Variants in GPC5 observed in about 807,000 individuals in gnomAD.
GPC5 encodes the protein glypican 5.
In GPC5, 47 loss-of-function variants were observed where a neutral mutation model predicts 53.9. The observed-to-expected ratio is 0.87, with a 90% CI of 0.69 to 1.11. The LOEUF (loss-of-function observed/expected upper bound fraction) is 1.11. Among genes scored for constraint, GPC5 ranks in the 50% most tolerant of loss-of-function variants. GPC5 has a pLI of 0.00. For synonymous variants in GPC5, 286 were observed against 263.3 expected, an observed-to-expected ratio of 1.09 and a Z score of -0.84; for missense variants, 748 against 713.1, an observed-to-expected ratio of 1.05 and a Z score of -0.56.
intron 2 of GPC5, among the ~76,000 whole-genome samples, chr13:91,608,945 C>A (rs1456785871): frequency 1.3e-5 from 2 of 148,972 alleles, no homozygotes; most frequent in East Asian, 4.1e-4. Context: ...TTTTGTTAGA[C>A]TAATTGAATC....
intron 6 of GPC5, among the ~76,000 whole-genome samples, chr13:91,936,541 A>G (rs1164707382): frequency 2.0e-5 from 3 of 152,062 alleles, no homozygotes; most frequent in Non-Finnish European, 4.4e-5. Flanking sequence ...AAGTATACAT[A>G]TTTGGTTTTT....
intron 7 of GPC5, among the ~76,000 whole-genome samples, chr13:92,152,814 T>C (rs573080413): frequency 6.6e-6 from 1 of 151,132 alleles, no homozygotes; most frequent in Non-Finnish European, 1.5e-5. Flanking sequence ...TACACACACA[T>C]AATTTAAGGA....
chr13:91,631,504 T>G (rs1208407089), intron 2 of GPC5, among the ~76,000 whole-genome samples: 1 of 152,076 alleles, frequency 6.6e-6, no homozygotes, highest in Non-Finnish European at 1.5e-5. Context: ...AAAAAATAAG[T>G]GTTTTAGACC....
intron 7 of GPC5, chr13:92,510,230 C>G (rs1347688831): frequency 6.6e-6 from 1 of 151,864 alleles, no homozygotes; most frequent in Non-Finnish European, 1.5e-5. Flanking sequence ...AAATTAAAGG[C>G]ATCTTTATGT....
rs997034217 is a variant in GPC5 at position 91,715,800 on chromosome 13, C to CTCTCTCTGTG, written c.1021-12731_1021-12730insCTCTCTGTGT. Among the ~76,000 whole-genome samples, 472 of 145,774 alleles carry CTCTCTCTGTG rather than the reference C, an allele frequency of 3.2e-3. 2 individuals carry two copies. Among genetic ancestry groups the CTCTCTCTGTG allele is most frequent in the African/African-American group, 0.012 (455 of 39,058 alleles). ...TCTCTCTCTCTCTCTCTCTCTCTCT[C>CTCTCTCTGTG]TGTGTGTGTGTCACCCAGGCTAGAG... On this transcript the variant is annotated intron_variant, in intron 3 of 7. Transcript: ENST00000377067.
intron 7 of GPC5, among the ~76,000 whole-genome samples, chr13:92,855,887 A>C (rs943256217): frequency 1.3e-4 from 20 of 152,114 alleles, no homozygotes; most frequent in Non-Finnish European, 2.9e-4. Flanking sequence ...AACCAAAAAA[A>C]GCCTTGCACC....
intron 5 of GPC5, among the ~76,000 whole-genome samples, chr13:91,781,578 T>C (rs2037799559): frequency 6.6e-6 from 1 of 152,232 alleles, no homozygotes; most frequent in Non-Finnish European, 1.5e-5. Flanking sequence ...ACCATTTGCT[T>C]TGTGTCTTCT....
chr13:91,567,092 G>A (rs1043889910), intron 2 of GPC5, among the ~76,000 whole-genome samples: 2 of 152,068 alleles, frequency 1.3e-5, no homozygotes, highest in African/African-American at 2.4e-5. Flanking sequence ...ATCTTGTCCT[G>A]TATTTGGATC....
At chr13:92,765,562 C>T (rs1286343636) in intron 7 of GPC5, among the ~76,000 whole-genome samples, 1 of 152,120 alleles carries the variant, frequency 6.6e-6, no homozygotes, top group East Asian at 1.9e-4. Flanking sequence ...CAATTCCCTC[C>T]AATGTAGAGA....
chr13:92,840,203 G>A (rs1878390197), intron 7 of GPC5, among the ~76,000 whole-genome samples: 1 of 149,938 alleles, frequency 6.7e-6, no homozygotes, highest in South Asian at 2.1e-4. Context: ...CATGTTGTAG[G>A]AGGCGACAGG....
At chr13:92,644,878 T>TA (rs35092225) in intron 7 of GPC5, among the ~76,000 whole-genome samples, 87,473 of 148,832 alleles carry the variant, frequency 0.59, 28,796 homozygotes, top group Non-Finnish European at 0.77. Context: ...ACAGATACTG[T>TA]AAAAAAAAAA....
chr13:92,730,929 A>G (rs1321285155), intron 7 of GPC5, among the ~76,000 whole-genome samples: 7 of 151,412 alleles, frequency 4.6e-5, no homozygotes, highest in Admixed American at 6.6e-5. Flanking sequence ...TATAGTGACT[A>G]CTTCTCCCTC....
At chr13:92,217,200 C>T (rs1470931875) in intron 7 of GPC5, among the ~76,000 whole-genome samples, 1 of 152,100 alleles carries the variant, frequency 6.6e-6, no homozygotes, top group Non-Finnish European at 1.5e-5. Flanking sequence ...CTAGTTTACG[C>T]CACTCATATT....
In GPC5 at chr13:91,983,253, G is replaced by A. The variant is rs150941311; in HGVS notation, c.1401+75196G>A. Among the ~76,000 whole-genome samples, 794 of 152,212 alleles carry A rather than the reference G, an allele frequency of 5.2e-3. 12 individuals carry two copies. The highest frequency in any genetic ancestry group is 0.018 in the African/African-American group (741 of 41,524). ...CCCAGCTACTTGGGAGGCTGAGGCA[G>A]GAGAATGGCGAGAACCCGGGAGGCG... is the stretch of plus-strand genomic sequence containing the variant. On this transcript the variant is annotated intron_variant, in intron 6 of 7. Transcript: ENST00000377067.
At chr13:92,006,285 C>G (rs866880345) in intron 6 of GPC5, among the ~76,000 whole-genome samples, 1 of 152,056 alleles carries the variant, frequency 6.6e-6, no homozygotes, top group Non-Finnish European at 1.5e-5. Context: ...TAAATGACAG[C>G]TAAATATACA....
intron 7 of GPC5, among the ~76,000 whole-genome samples, chr13:92,529,989 C>T (rs575836405): frequency 2.6e-5 from 4 of 152,056 alleles, no homozygotes; most frequent in African/African-American, 4.8e-5. Context: ...GGGGCTGAGG[C>T]GGGGGAGGAT....
rs1232843382 is a variant in GPC5 at position 92,192,539 on chromosome 13, T to G, written c.1561+47550T>G. Among the ~76,000 whole-genome samples the G allele has an allele frequency of 2.6e-5, 4 of 152,216 alleles. No individual in the cohort carries two copies. In the East Asian group the frequency reaches 7.7e-4, roughly 29 times the overall value. On this transcript the variant is annotated intron_variant, in intron 7 of 7. Transcript: ENST00000377067. ...TTTCACATTTCTTTCTTCTAAATTG[T>G]CTTAAAATTATAAAAAGCAATATGA...
intron 6 of GPC5, among the ~76,000 whole-genome samples, chr13:91,969,220 G>A (rs935057667): frequency 6.6e-6 from 1 of 152,024 alleles, no homozygotes; most frequent in African/African-American, 2.4e-5. Context: ...TCTTGCCTAG[G>A]CTTTCCAAAG....
At position 92,113,136 on chromosome 13, in the gene GPC5, A is replaced by G. The variant is rs368883031; in HGVS notation, c.1402-31694A>G. Among the ~76,000 whole-genome samples, 115 of 152,074 alleles carry G rather than the reference A, an allele frequency of 7.6e-4. 1 individual carries two copies. In the South Asian group the frequency reaches 0.023, roughly 30 times the overall value. On this transcript the variant is annotated intron_variant, in intron 6 of 7. Coordinates refer to ENST00000377067, the MANE Select transcript of GPC5 (RefSeq NM_004466.6). ...TTTACTTCTCTTTTCTTTTTTGTGGATATCTTTACTCTTTCCAGGAAGTAG... is the reference window on the plus strand; with the variant it reads ...TTTACTTCTCTTTTCTTTTTTGTGGGTATCTTTACTCTTTCCAGGAAGTAG...
Sources: allele counts gnomAD v4.1 joint callset (sites outside exome capture counted in the v4.1 genomes callset), GRCh38; gene constraint gnomAD v4.1.1; transcripts MANE v1.5; gene names NCBI Gene and HGNC (gene_info 2026-07-23, HGNC 2026-07-21).